Variants in FOXP2 observed in about 807,000 individuals in gnomAD.
The protein encoded by FOXP2 is forkhead box protein P2.
A neutral mutation model predicts 115.8 loss-of-function variants in FOXP2; 12 were observed. That is an observed-to-expected ratio of 0.10 (90% CI 0.07 to 0.17). FOXP2 has a LOEUF of 0.17. FOXP2 is among the 10% of genes least tolerant of loss of function. FOXP2 has a pLI of 1.00. For missense variants in FOXP2, 629 were observed against 843.5 expected (o/e 0.75, Z 3.15); for synonymous variants, 328 against 297.7 (o/e 1.10, Z -1.05).
At chr7:114,595,463 C>A (rs1802645332) in intron 3 of FOXP2, among the ~76,000 whole-genome samples, 1 of 151,954 alleles carries the variant, frequency 6.6e-6, no homozygotes, top group Non-Finnish European at 1.5e-5. Flanking sequence ...AAAGTAACTA[C>A]TATTTTTTTG....
At chr7:114,583,588 G>A (rs1407848819) in intron 3 of FOXP2, among the ~76,000 whole-genome samples, 2 of 151,994 alleles carry the variant, frequency 1.3e-5, no homozygotes, top group Non-Finnish European at 2.9e-5. Context: ...CTTAGAGAAT[G>A]ACCTGAAAAA....
At chr7:114,091,250 A>G (rs1190924732) in intron 1 of FOXP2, among the ~76,000 whole-genome samples, 20 of 151,874 alleles carry the variant, frequency 1.3e-4, no homozygotes, top group Admixed American at 1.3e-3. Flanking sequence ...AAGAAATAGT[A>G]TGACCTAATG....
chr7:114,391,667 A>G (rs538151898), intron 2 of FOXP2, among the ~76,000 whole-genome samples: 10 of 152,174 alleles, frequency 6.6e-5, no homozygotes, highest in Non-Finnish European at 1.5e-4. Context: ...ACATATTCCT[A>G]TTTAAAATAT....
intron 1 of FOXP2, among the ~76,000 whole-genome samples, chr7:114,232,801 GA>G (rs1794916508): frequency 7.2e-6 from 1 of 139,132 alleles, no homozygotes; most frequent in Non-Finnish European, 1.5e-5. Context: ...CAAGAAGAGC[GA>G]AACTCCGTCT....
chr7:114,546,907 A>G (rs886695137), intron 3 of FOXP2, among the ~76,000 whole-genome samples: 1 of 152,228 alleles, frequency 6.6e-6, no homozygotes, highest in Non-Finnish European at 1.5e-5. Context: ...GATGCTAAAT[A>G]AAATTCTTGC....
chr7:114,320,778 G>T (rs1479325901), intron 2 of FOXP2, among the ~76,000 whole-genome samples: 1 of 152,060 alleles, frequency 6.6e-6, no homozygotes, highest in Non-Finnish European at 1.5e-5. Flanking sequence ...CCTGCAGAGG[G>T]ACAACCTTCT....
chr7:114,243,879 C>A (rs560348123), intron 1 of FOXP2, among the ~76,000 whole-genome samples: 70 of 150,994 alleles, frequency 4.6e-4, no homozygotes, highest in African/African-American at 1.5e-3. Context: ...TGAAGTATGA[C>A]CTTCCAGGCT....
chr7:114,539,557 C>A (rs1799557201), intron 3 of FOXP2, among the ~76,000 whole-genome samples: 3 of 151,148 alleles, frequency 2.0e-5, no homozygotes, highest in African/African-American at 7.3e-5. Flanking sequence ...ATTTCTTGAT[C>A]ATAAAAAAAA....
chr7:114,531,758 G>A (rs181701536), intron 2 of FOXP2, among the ~76,000 whole-genome samples: 19 of 152,020 alleles, frequency 1.2e-4, no homozygotes, highest in Admixed American at 7.9e-4. Flanking sequence ...TAAAGTAGAA[G>A]CATTTTTTTA....
chr7:114,390,713 C>T lies in FOXP2; in HGVS notation c.-10-35789C>T, dbSNP rs373770635. On this transcript the variant is annotated intron_variant, in intron 2 of 17. Coordinates refer to the FOXP2 transcript ENST00000634411. ...GGGACTACAGCTGCCTATGGCTACACCTAGCTGATTTTTTTTTTTCTTTCT... is the reference window on the plus strand; with the variant it reads ...GGGACTACAGCTGCCTATGGCTACATCTAGCTGATTTTTTTTTTTCTTTCT... Among the ~76,000 whole-genome samples the T allele has an allele frequency of 3.8e-4, 57 of 151,980 alleles. 1 individual carries two copies. Among genetic ancestry groups the T allele is most frequent in the African/African-American group, 1.3e-3 (53 of 41,436 alleles).
chr7:114,214,602 G>T (rs917728125), intron 1 of FOXP2, among the ~76,000 whole-genome samples: 1 of 152,070 alleles, frequency 6.6e-6, no homozygotes. Context: ...ATCAAGACAC[G>T]GTATAGGCTG....
intron 1 of FOXP2, among the ~76,000 whole-genome samples, chr7:114,249,779 C>CTTTGTTTTTT (rs1795389690): frequency 6.6e-6 from 1 of 150,864 alleles, no homozygotes; most frequent in Non-Finnish European, 1.5e-5. Flanking sequence ...GGTTCTAGGT[C>CTTTGTTTTTT]TTTGTTTTTT....
intron 2 of FOXP2, among the ~76,000 whole-genome samples, chr7:114,348,594 A>G (rs1034739793): frequency 2.6e-5 from 4 of 151,980 alleles, no homozygotes; most frequent in African/African-American, 7.2e-5. Flanking sequence ...TGGAAAGAAC[A>G]CTCGTCTTAT....
intron 2 of FOXP2, among the ~76,000 whole-genome samples, chr7:114,384,089 A>G (rs1050214839): frequency 1.3e-5 from 2 of 150,238 alleles, no homozygotes; most frequent in African/African-American, 4.9e-5. Context: ...GTCACCACCC[A>G]TGGACCTCTG....
intron 2 of FOXP2, among the ~76,000 whole-genome samples, chr7:114,496,502 A>G (rs925603304): frequency 1.3e-5 from 2 of 152,196 alleles, no homozygotes; most frequent in Admixed American, 6.5e-5. Flanking sequence ...AGAAGGTAAC[A>G]TATTTACTGA....
Position 114,302,691 on chromosome 7 carries a change from C to T in FOXP2, c.-11+14582C>T, listed in dbSNP as rs114853589. 2.6e-3 allele frequency among the ~76,000 whole-genome samples: 399 copies of T among 152,136 alleles called. 3 individuals carry two copies. Among genetic ancestry groups the T allele is most frequent in the African/African-American group, 9.2e-3 (383 of 41,504 alleles). ...GAACCTATGACTTGTTTCTAGCTAACGAATATGGCACAGATGATAGAATAA... is the reference window on the plus strand; with the variant it reads ...GAACCTATGACTTGTTTCTAGCTAATGAATATGGCACAGATGATAGAATAA... On this transcript the variant is annotated intron_variant, in intron 2 of 17. Coordinates refer to the FOXP2 transcript ENST00000634411.
intron 2 of FOXP2, among the ~76,000 whole-genome samples, chr7:114,444,827 A>C (rs1794760614): frequency 6.6e-6 from 1 of 152,174 alleles, no homozygotes; most frequent in Non-Finnish European, 1.5e-5. Context: ...ACATTTTAAA[A>C]GTTCAAAGAA....
At chr7:114,121,738 G>C (rs1463771513) in intron 1 of FOXP2, among the ~76,000 whole-genome samples, 1 of 152,108 alleles carries the variant, frequency 6.6e-6, no homozygotes, top group Non-Finnish European at 1.5e-5. Flanking sequence ...GAGTTGTTTA[G>C]TTAAGGAGAT....
chr7:114,099,968 C>A (rs186467994), intron 1 of FOXP2, among the ~76,000 whole-genome samples: 1 of 152,128 alleles, frequency 6.6e-6, no homozygotes, highest in Non-Finnish European at 1.5e-5. Context: ...TGTTAATTTG[C>A]TTCACTATAG....
Sources: gnomAD v4.1 joint callset for allele counts (sites outside exome capture counted in the v4.1 genomes callset) on GRCh38, gnomAD v4.1.1 for gene constraint, MANE v1.5 for transcripts, NCBI Gene and HGNC (gene_info 2026-07-23, HGNC 2026-07-21) for gene names.